CLPSL2: variants seen among roughly 807,000 people sequenced by gnomAD.
The protein encoded by CLPSL2 is colipase-like protein 2.
A neutral mutation model predicts 7.9 loss-of-function variants in CLPSL2; 4 were observed. That is an observed-to-expected ratio of 0.50 (90% CI 0.25 to 1.15). CLPSL2 has a LOEUF of 1.15. CLPSL2 is among the 50% of genes most tolerant of loss of function. The pLI is 0.15. For synonymous variants in CLPSL2, 67 were observed against 53.1 expected (o/e 1.26, Z -1.14); for missense variants, 132 against 136.6 (o/e 0.97, Z 0.17).
Position 35,778,235 on chromosome 6 carries a change from C to T in CLPSL2, c.207+654C>T, listed in dbSNP as rs529740960. Among the ~76,000 whole-genome samples, 7 of 152,302 alleles carry T rather than the reference C, an allele frequency of 4.6e-5. No individual in the cohort carries two copies. In the East Asian group the frequency reaches 1.2e-3, roughly 25 times the overall value. On this transcript the variant is annotated intron_variant, in intron 2 of 2. Transcript: ENST00000403376. ...CCTCCCAAGGTGCTGGGATTATAGG[C>T]ATGAGCCACCGTGCCCGGCCAATAA... is the stretch of plus-strand genomic sequence containing the variant.
rs1767846327 is a variant in CLPSL2 at position 35,776,823 on chromosome 6, C to T, written c.84+121C>T. 1.1e-5 allele frequency: 10 copies of T among 887,886 alleles called. No homozygotes were observed. In the South Asian group the frequency reaches 2.5e-4, roughly 22 times the overall value. The allele number at this position is 887,886 out of a possible 1,614,324, so 55.0% of individuals were successfully genotyped here. A position where few individuals can be genotyped will look rare whatever the true frequency, so the allele number is the denominator to read the frequency against. Reference sequence around the variant, plus strand: ...GGGAGAGGTGGGTCCGGAACCACACCCAGGCGGGTAGCCTGGGGCATCCTC... The same window carrying T: ...GGGAGAGGTGGGTCCGGAACCACACTCAGGCGGGTAGCCTGGGGCATCCTC... On this transcript the variant is annotated intron_variant, in intron 1 of 2. Coordinates refer to ENST00000403376, the MANE Select transcript of CLPSL2 (RefSeq NM_207409.4).
chr6:35,778,329 C>T (rs918716730), intron 2 of CLPSL2, among the ~76,000 whole-genome samples: 1 of 152,236 alleles, frequency 6.6e-6, no homozygotes, highest in Non-Finnish European at 1.5e-5. Flanking sequence ...AAATGACCTT[C>T]CCCTTACTAG....
intron 2 of CLPSL2, 28 bp downstream of exon 2, chr6:35,777,609 G>A (rs1265231530): frequency 1.9e-6 from 3 of 1,597,960 alleles, no homozygotes; most frequent in South Asian, 2.2e-5. Flanking sequence ...GGCAACTTCT[G>A]GCAAGTAGAG....
chr6:35,777,325 C>A, intron 1 of CLPSL2, 134 bp from the exon 2 acceptor site: 2 of 979,932 alleles, frequency 2.0e-6, no homozygotes, highest in Non-Finnish European at 1.5e-6. Flanking sequence ...GGGAACCAGC[C>A]CCCCAAGGGG....
rs756631714 is a variant in CLPSL2, at chr6:35,777,425, C to T, written c.85-34C>T. ...CCGCCCACACGACTCAGGGATTGCT[C>T]CCAGCCTGGCAGACATTCTGCCTGT... On this transcript the variant is annotated intron_variant, in intron 1 of 2. Transcript: ENST00000403376. 4 of 1,609,284 alleles carry T rather than the reference C, an allele frequency of 2.5e-6. No individual in the cohort carries two copies. In the South Asian group the frequency reaches 4.4e-5, roughly 18 times the overall value.
At chr6:35,778,245 C>T (rs139492421) in intron 2 of CLPSL2, among the ~76,000 whole-genome samples, 1,834 of 152,286 alleles carry the variant, frequency 0.012, 35 homozygotes, top group African/African-American at 0.041. Flanking sequence ...CATGAGCCAC[C>T]GTGCCCGGCC....
chr6:35,776,623 C>A lies in CLPSL2; in HGVS notation c.5C>A (p.Ala2Asp). MAAALALVAGVL... is the reference protein window; with the variant it reads MDAALALVAGVL... ...GCTGCTCTGCCGCCCAGGCCCATGG[C>A]CGCAGCCCTGGCGCTCGTGGCGGGG... Residue 2 changes from alanine (A) to aspartate (D), a missense_variant, in exon 1 of 3, where the codon GCC becomes GAC. Physicochemically the swap from Ala to Asp is moderately radical, Grantham distance 126 (BLOSUM62 -2). Coordinates refer to ENST00000403376, the MANE Select transcript of CLPSL2 (RefSeq NM_207409.4). 6.7e-7 allele frequency: 1 copy of A among 1,500,692 alleles called. No homozygotes were observed. Among genetic ancestry groups the A allele is most frequent in the East Asian group, 2.8e-5 (1 of 35,944 alleles). 93.0% of individuals were successfully genotyped at this position (1,500,692 alleles called of 1,614,324 possible). A position where few individuals can be genotyped will look rare whatever the true frequency, so the allele number is the denominator to read the frequency against.
At chr6:35,778,201 C>G (rs187165972) in intron 2 of CLPSL2, among the ~76,000 whole-genome samples, 330 of 152,328 alleles carry the variant, frequency 2.2e-3, no homozygotes, top group African/African-American at 7.6e-3. Flanking sequence ...GGTGATCCAC[C>G]TGGCTCGGCC....
chr6:35,779,187 T>C (rs1767910488), intron 2 of CLPSL2, among the ~76,000 whole-genome samples, 168 bp from the exon 3 acceptor site: 1 of 152,164 alleles, frequency 6.6e-6, no homozygotes, highest in Non-Finnish European at 1.5e-5. Context: ...GAAACCGAGC[T>C]GGAGAGGTTC....
At position 35,777,503 on chromosome 6, in the gene CLPSL2, C is replaced by G. The variant is rs756181469; in HGVS notation, c.129C>G (p.Gly43=). 6.2e-7 allele frequency: 1 copy of G among 1,613,744 alleles called. No individual in the cohort carries two copies. Among genetic ancestry groups the G allele is most frequent in the South Asian group, 1.1e-5 (1 of 91,086 alleles). ...TCCACCACTCTGAGTGCTACAGTGG[C>G]TGCTGCCTCATGGACTTGGACTCCG... ...RCFHHSECYS[G]CCLMDLDSGG... The change falls in exon 2 of 3, where the codon GGC becomes GGG. Residue 43 remains glycine, a synonymous_variant. Transcript: ENST00000403376.
chr6:35,777,710 ACTCCTACTC>A, intron 2 of CLPSL2, 129 bp downstream of exon 2: 1 of 1,081,980 alleles, frequency 9.2e-7, no homozygotes, highest in South Asian at 1.6e-5. Context: ...CACTTGGCAA[ACTCCTACTC>A]ATGGTGCAAA....
intron 1 of CLPSL2, 149 bp from the exon 2 acceptor site, chr6:35,777,309 TG>T (rs3215829): frequency 1.2e-4 from 87 of 732,962 alleles, no homozygotes; most frequent in Middle Eastern, 4.0e-4. Context: ...GGGGTGGGGC[TG>T]GGGGGGGAAC....
At chr6:35,777,765 C>T (rs1225521513) in intron 2 of CLPSL2, 184 bp downstream of exon 2, 9 of 732,264 alleles carry the variant, frequency 1.2e-5, no homozygotes, top group Admixed American at 2.1e-5. Context: ...AGGCTTCCCT[C>T]CTTGGAGCTC....
intron 2 of CLPSL2, chr6:35,777,954 GTTGT>G (rs762351592): frequency 4.6e-5 from 33 of 714,850 alleles, no homozygotes; most frequent in South Asian, 5.9e-5. Flanking sequence ...AATGCTTATT[GTTGT>G]TTGTTTGTTT....
chr6:35,778,689 G>A (rs1053872587), intron 2 of CLPSL2, among the ~76,000 whole-genome samples: 3 of 152,250 alleles, frequency 2.0e-5, no homozygotes, highest in African/African-American at 7.2e-5. Context: ...TAGGATGGAT[G>A]GACCCAGCCT....
At chr6:35,777,789 T>C (rs1767874475) in intron 2 of CLPSL2, 4 of 720,376 alleles carry the variant, frequency 5.6e-6, no homozygotes, top group Non-Finnish European at 1.0e-5. Context: ...TACCCTGGGG[T>C]CAGACCCTCA....
Position 35,779,501 on chromosome 6 carries a change from C to CCACCAACT in CLPSL2, c.*52_*59dup. 1 of 1,552,578 alleles carries CCACCAACT rather than the reference C, an allele frequency of 6.4e-7. No individual in the cohort carries two copies. The highest frequency in any genetic ancestry group is 8.7e-7 in the Non-Finnish European group (1 of 1,147,300). ...CCCTTGGGGCCATAGGCCCTGGTTG[C>CCACCAACT]CACCAACTTGCTCCAAATCCAGCTC... On this transcript the variant is annotated 3_prime_UTR_variant, in exon 3 of 3. Coordinates refer to ENST00000403376, the MANE Select transcript of CLPSL2 (RefSeq NM_207409.4).
chr6:35,779,476 C>G lies in CLPSL2; in HGVS notation c.*26C>G, dbSNP rs1321066246. ...AGGAAGATGCAGGCTGGTCACTGCT[C>G]CCTTGGGGCCATAGGCCCTGGTTGC... is the stretch of plus-strand genomic sequence containing the variant. On this transcript the variant is annotated 3_prime_UTR_variant, in exon 3 of 3. Coordinates refer to ENST00000403376, the MANE Select transcript of CLPSL2 (RefSeq NM_207409.4). 1.3e-6 allele frequency: 2 copies of G among 1,558,244 alleles called. No individual in the cohort carries two copies. Among genetic ancestry groups the G allele is most frequent in the Non-Finnish European group, 1.7e-6 (2 of 1,150,762 alleles).
At chr6:35,776,811 C>G (rs1767846124) in intron 1 of CLPSL2, 109 bp downstream of exon 1, 11 of 1,004,138 alleles carry the variant, frequency 1.1e-5, no homozygotes, top group African/African-American at 1.0e-4. Context: ...AGAGGTGGGT[C>G]CGGAACCACA....
Sources: gnomAD v4.1 joint callset for allele counts (sites outside exome capture counted in the v4.1 genomes callset) on GRCh38, gnomAD v4.1.1 for gene constraint, MANE v1.5 for transcripts, NCBI Gene and HGNC (gene_info 2026-07-23, HGNC 2026-07-21) for gene names.